The following CNTN4 variants were observed in gnomAD, a reference collection of about 807,000 sequenced individuals.
The protein encoded by CNTN4 is contactin 4.
In CNTN4, 77 loss-of-function variants were observed where a neutral mutation model predicts 122.5. The ratio of observed to expected loss-of-function variants is 0.63; its 90% CI spans 0.52 to 0.76. The LOEUF (loss-of-function observed/expected upper bound fraction) is 0.76, where lower values mean the gene tolerates loss of function less well. CNTN4 is among the 30% of genes least tolerant of loss of function. The pLI, the probability that CNTN4 is intolerant of heterozygous loss-of-function variation, is 0.00. For missense variants in CNTN4, 1,256 were observed against 1,259.1 expected, an observed-to-expected ratio of 1.00 and a Z score of 0.04; for synonymous variants, 512 against 447.0, an observed-to-expected ratio of 1.15 and a Z score of -1.83.
intron 4 of CNTN4, among the ~76,000 whole-genome samples, chr3:2,595,819 A>G (rs777950725): frequency 6.6e-6 from 1 of 151,160 alleles, no homozygotes; most frequent in Non-Finnish European, 1.5e-5. Context: ...GATCTGCATG[A>G]TCCCCAAACA....
chr3:2,597,652 A>G (rs1461640261), intron 4 of CNTN4, among the ~76,000 whole-genome samples: 2 of 152,116 alleles, frequency 1.3e-5, no homozygotes, highest in East Asian at 1.9e-4. Flanking sequence ...CTGTGTGCCT[A>G]TGGAAGAGCC....
intron 3 of CNTN4, among the ~76,000 whole-genome samples, chr3:2,377,942 CAA>C (rs1004870223): frequency 2.0e-5 from 3 of 152,028 alleles, no homozygotes; most frequent in African/African-American, 7.3e-5. Context: ...TTTATTTTTC[CAA>C]AAGAGTGGAT....
chr3:2,797,519 A>C (rs905627306), intron 6 of CNTN4, among the ~76,000 whole-genome samples: 12 of 152,132 alleles, frequency 7.9e-5, no homozygotes, highest in Admixed American at 2.6e-4. Flanking sequence ...AATCACTTAA[A>C]CCTGGGAGGC....
chr3:2,184,747 G>T (rs996008998), intron 2 of CNTN4, among the ~76,000 whole-genome samples: 6 of 152,110 alleles, frequency 3.9e-5, no homozygotes, highest in Non-Finnish European at 8.8e-5. Context: ...GCACCATCTT[G>T]GACACAGAGA....
At chr3:2,831,469 T>A (rs1239259839) in intron 7 of CNTN4, among the ~76,000 whole-genome samples, 3 of 152,224 alleles carry the variant, frequency 2.0e-5, no homozygotes, top group Non-Finnish European at 4.4e-5. Context: ...AATGTTTAAT[T>A]CAGAGACTGA....
chr3:2,434,643 G>C (rs1015140460), intron 3 of CNTN4, among the ~76,000 whole-genome samples: 1 of 152,164 alleles, frequency 6.6e-6, no homozygotes, highest in Non-Finnish European at 1.5e-5. Context: ...GACTCTAAAA[G>C]GTGATGTAAT....
At chr3:2,837,740 G>A (rs568095267) in intron 7 of CNTN4, among the ~76,000 whole-genome samples, 26 of 152,218 alleles carry the variant, frequency 1.7e-4, no homozygotes, top group African/African-American at 5.8e-4. Context: ...GGGAAATGTG[G>A]TGTTTGTCAC....
rs139414085 is a variant in CNTN4 at position 2,614,444 on chromosome 3, A to G, written c.55+42886A>G. On this transcript the variant is annotated intron_variant, in intron 4 of 24. Coordinates refer to ENST00000418658, the MANE Select transcript of CNTN4 (RefSeq NM_175607.3). ...GACAAGGTAACATACTGGATAAGGTATGGGAACAGTATCATAGGGAAACAA... is the reference window on the plus strand; with the variant it reads ...GACAAGGTAACATACTGGATAAGGTGTGGGAACAGTATCATAGGGAAACAA... Among the ~76,000 whole-genome samples, 1,223 of 152,304 alleles carry G rather than the reference A, an allele frequency of 8.0e-3. 8 individuals are homozygous for G. The highest frequency in any genetic ancestry group is 0.024 in the Middle Eastern group (7 of 294).
rs969401128 is a variant in CNTN4, at chr3:2,356,100, G to A, written c.-89+16867G>A. 3.3e-5 allele frequency among the ~76,000 whole-genome samples: 5 copies of A among 152,152 alleles called. No homozygotes were observed. In the East Asian group the frequency reaches 5.8e-4, roughly 18 times the overall value. On this transcript the variant is annotated intron_variant, in intron 3 of 24. Coordinates refer to ENST00000418658, the MANE Select transcript of CNTN4 (RefSeq NM_175607.3). ...GGTGTTTCCACTTCCTGTTGCTTAC[G>A]TCATTTCTAGCTATTGGTGGGGAGA... is the stretch of plus-strand genomic sequence containing the variant.
intron 2 of CNTN4, among the ~76,000 whole-genome samples, chr3:2,255,739 A>G (rs1005201420): frequency 1.4e-4 from 21 of 152,344 alleles, no homozygotes; most frequent in Middle Eastern, 3.4e-3. Context: ...TTTGAAACCA[A>G]GGGGAACAAA....
chr3:2,698,357 G>T (rs1175075261), intron 4 of CNTN4, among the ~76,000 whole-genome samples: 1 of 152,026 alleles, frequency 6.6e-6, no homozygotes, highest in Non-Finnish European at 1.5e-5. Flanking sequence ...AGCCTGTGTT[G>T]TACCTGAGTC....
intron 13 of CNTN4, among the ~76,000 whole-genome samples, chr3:2,942,778 T>C (rs1044856261): frequency 6.6e-6 from 1 of 152,224 alleles, no homozygotes; most frequent in African/African-American, 2.4e-5. Context: ...GCAGACTGTC[T>C]CAGAATCCTT....
At chr3:2,989,658 A>G (rs1004357621) in intron 14 of CNTN4, among the ~76,000 whole-genome samples, 8 of 152,324 alleles carry the variant, frequency 5.3e-5, no homozygotes, top group Admixed American at 3.3e-4. Flanking sequence ...GTTTAGATTG[A>G]TTACAACTAT....
At chr3:2,367,074 G>A (rs1034477046) in intron 3 of CNTN4, among the ~76,000 whole-genome samples, 5 of 151,918 alleles carry the variant, frequency 3.3e-5, no homozygotes, top group African/African-American at 1.2e-4. Context: ...TTATTGTGCA[G>A]TTCTCTCTCT....
chr3:2,547,055 C>G (rs1371342405), intron 3 of CNTN4, among the ~76,000 whole-genome samples: 1 of 151,912 alleles, frequency 6.6e-6, no homozygotes, highest in African/African-American at 2.4e-5. Flanking sequence ...AGCTTAGCCA[C>G]AGATTCGATG....
intron 4 of CNTN4, among the ~76,000 whole-genome samples, chr3:2,651,022 C>A (rs137935699): frequency 8.7e-4 from 132 of 152,256 alleles, no homozygotes; most frequent in African/African-American, 3.1e-3. Flanking sequence ...GTTATAGACT[C>A]TTTACTATGG....
chr3:2,149,967 CTTT>C (rs11397937), intron 2 of CNTN4, among the ~76,000 whole-genome samples: 1 of 143,118 alleles, frequency 7.0e-6, no homozygotes, highest in Admixed American at 6.9e-5. Context: ...GTGGGCATAG[CTTT>C]TTTTTTTTTT....
At chr3:2,299,417 A>C (rs2150057629) in intron 2 of CNTN4, among the ~76,000 whole-genome samples, 1 of 152,170 alleles carries the variant, frequency 6.6e-6, no homozygotes, top group East Asian at 1.9e-4. Context: ...TGGACCCGTC[A>C]CCCGAGTAGT....
intron 2 of CNTN4, among the ~76,000 whole-genome samples, chr3:2,222,925 C>T (rs4685500): frequency 0.14 from 21,049 of 152,210 alleles, 1,826 homozygotes; most frequent in Non-Finnish European, 0.2. Context: ...AAAGCCACTA[C>T]AGACTTCTAA....
Sources: gnomAD v4.1 joint callset for allele counts (sites outside exome capture counted in the v4.1 genomes callset) on GRCh38, gnomAD v4.1.1 for gene constraint, MANE v1.5 for transcripts, NCBI Gene and HGNC (gene_info 2026-07-23, HGNC 2026-07-21) for gene names.